Variants in SASS6 observed in about 807,000 individuals in gnomAD.
SASS6 encodes spindle assembly abnormal protein 6 homolog.
In SASS6, 59 loss-of-function variants were observed where a neutral mutation model predicts 94.9. The ratio of observed to expected loss-of-function variants is 0.62; its 90% CI spans 0.50 to 0.77. The LOEUF (loss-of-function observed/expected upper bound fraction) is 0.77, where lower values mean the gene tolerates loss of function less well. Ranked by LOEUF, SASS6 falls within the 30% of genes least tolerant of loss-of-function variation. The pLI, the probability that SASS6 is intolerant of heterozygous loss-of-function variation, is 0.00. For missense variants in SASS6, 698 were observed against 734.1 expected, an observed-to-expected ratio of 0.95 and a Z score of 0.57; for synonymous variants, 264 against 270.0, an observed-to-expected ratio of 0.98 and a Z score of 0.22.
intron 14 of SASS6, among the ~76,000 whole-genome samples, chr1:100,089,945 T>A (rs1172173933): frequency 2.0e-5 from 3 of 151,982 alleles, no homozygotes; most frequent in Non-Finnish European, 4.4e-5. Flanking sequence ...AAGTAAAATT[T>A]TGACAACAGT....
rs777706222 is a variant in SASS6 at position 100,107,601 on chromosome 1, C to T, written c.1146+27G>A. On this transcript the variant is annotated intron_variant, in intron 10 of 16. Coordinates refer to ENST00000287482, the MANE Select transcript of SASS6 (RefSeq NM_194292.3). ...TATTTCTATGTAATTTAATGAAATA[C>T]TAGTCTATAAAATTTTTAAAACAAA... The T allele has an allele frequency of 1.8e-5, 28 of 1,548,566 alleles. No homozygotes were observed. In the Admixed American group the frequency reaches 3.5e-4, roughly 19 times the overall value.
chr1:100,108,019 G>A lies in SASS6; in HGVS notation c.862-15C>T. The A allele has an allele frequency of 6.5e-7, 1 of 1,530,502 alleles. No homozygotes were observed. Among genetic ancestry groups the A allele is most frequent in the Non-Finnish European group, 8.9e-7 (1 of 1,126,550 alleles). 94.8% of individuals were successfully genotyped at this position (1,530,502 alleles called of 1,614,324 possible). On this transcript the variant is annotated splice_polypyrimidine_tract_variant and intron_variant, in intron 8 of 16. Transcript: ENST00000287482. ...CGCTGTAGCTCCTAGAATGGGAAAA[G>A]AAAGAAATTAAGCATTATGAAAAAA... is the stretch of plus-strand genomic sequence containing the variant.
Position 100,087,210 on chromosome 1 carries a change from C to T in SASS6, c.1772+929G>A, listed in dbSNP as rs566404471. On this transcript the variant is annotated intron_variant, in intron 15 of 16. Transcript: ENST00000287482. ...TTGGCCAGGCTGGTCTTGGAACTCC[C>T]GGCCTCAAGTGATCCACCCACCTTG... Among the ~76,000 whole-genome samples, 6 of 152,218 alleles carry T rather than the reference C, an allele frequency of 3.9e-5. No homozygotes were observed. In the South Asian group the frequency reaches 1.0e-3, roughly 26 times the overall value.
chr1:100,132,900 A>T lies in SASS6; in HGVS notation c.-86T>A. 7.6e-7 allele frequency: 1 copy of T among 1,318,478 alleles called. No homozygotes were observed. The highest frequency in any genetic ancestry group is 1.1e-6 in the Non-Finnish European group (1 of 924,658). 81.7% of individuals were successfully genotyped at this position (1,318,478 alleles called of 1,614,324 possible). A position where few individuals can be genotyped will look rare whatever the true frequency, so the allele number is the denominator to read the frequency against. ...GCCTGAGAGGTCCGGGTCCTGATAAAGTTTGAGTTTGGCGCTCGGCTTCTG... is the reference window on the plus strand; with the variant it reads ...GCCTGAGAGGTCCGGGTCCTGATAATGTTTGAGTTTGGCGCTCGGCTTCTG... On this transcript the variant is annotated 5_prime_UTR_variant, in exon 1 of 17. Coordinates refer to ENST00000287482, the MANE Select transcript of SASS6 (RefSeq NM_194292.3).
chr1:100,109,862 ATGC>A (rs1349879969), intron 8 of SASS6, among the ~76,000 whole-genome samples: 1 of 151,994 alleles, frequency 6.6e-6, no homozygotes, highest in African/African-American at 2.4e-5. Context: ...CACATAGAAA[ATGC>A]TCAGTAAGCA....
chr1:100,092,951 A>T (rs1407020589), intron 14 of SASS6, among the ~76,000 whole-genome samples: 1 of 152,134 alleles, frequency 6.6e-6, no homozygotes, highest in East Asian at 1.9e-4. Context: ...CAATGTATGC[A>T]GATACAATAC....
At chr1:100,112,250 G>A (rs1196964031) in intron 7 of SASS6, among the ~76,000 whole-genome samples, 1 of 152,026 alleles carries the variant, frequency 6.6e-6, no homozygotes, top group African/African-American at 2.4e-5. Flanking sequence ...AATATTAGAT[G>A]AGAAAAATGT....
In SASS6 at chr1:100,088,170, T is replaced by C. The variant is rs762862602; in HGVS notation, c.1741A>G (p.Ile581Val). Residue 581 changes from isoleucine to valine, a missense_variant, in exon 15 of 17, where the codon ATT (isoleucine) becomes GTT (valine). By Grantham distance (29) the Ile-to-Val change is conservative. Transcript: ENST00000287482. ...TTATCAGTTGAGCAAGGCATACTAA[T>C]AGTTGCTCCTGACTGAACATCTCCT... ...SLGDVQSGAT[I>V]SMPCSTDKEN... 4.3e-5 allele frequency: 69 copies of C among 1,602,186 alleles called. No individual in the cohort carries two copies. Among genetic ancestry groups the C allele is most frequent in the Non-Finnish European group, 5.8e-5 (68 of 1,169,546 alleles).
rs1416988976 is a variant in SASS6 at position 100,102,973 on chromosome 1, G to A, written c.1656C>T (p.His552=). Residue 552 remains histidine (H), a synonymous_variant, in exon 14 of 17, where the codon CAC becomes CAT. Transcript: ENST00000287482. ...PHSISAKNTS[H]PGSGTKVQFN... is the part of the protein sequence containing the mutation. ...TGGCTACCTTTGTTCCTGAACCAGG[G>A]TGGCTGGTATTTTTGGCAGATATCG... 4 of 1,612,324 alleles carry A rather than the reference G, an allele frequency of 2.5e-6. No homozygotes were observed. Among genetic ancestry groups the A allele is most frequent in the Non-Finnish European group, 3.4e-6 (4 of 1,178,986 alleles).
rs762705905 is a variant in SASS6, at chr1:100,122,395, G to C, written c.296C>G (p.Ala99Gly). The change falls in exon 4 of 17, where the codon GCC (alanine) becomes GGC (glycine). Residue 99 changes from alanine (A) to glycine (G), a missense_variant. Ala to Gly is a moderately conservative substitution (Grantham distance 60, BLOSUM62 0). Coordinates refer to ENST00000287482, the MANE Select transcript of SASS6 (RefSeq NM_194292.3). ...DLLQQCTQEH[A>G]KEIPRFLLQL... Reference sequence around the variant, plus strand: ...TGCAACTTACCTTGGAATTTCTTTGGCATGTTCTTGAGTACATTGCTGAAG... The same window carrying C: ...TGCAACTTACCTTGGAATTTCTTTGCCATGTTCTTGAGTACATTGCTGAAG... 4.0e-6 allele frequency: 6 copies of C among 1,491,934 alleles called. No individual in the cohort carries two copies. Among genetic ancestry groups the C allele is most frequent in the Non-Finnish European group, 4.6e-6 (5 of 1,076,054 alleles). The allele number at this position is 1,491,934 out of a possible 1,614,324, so 92.4% of individuals were successfully genotyped here.
chr1:100,127,831 T>TGGGGGAG (rs1273724726), intron 1 of SASS6, among the ~76,000 whole-genome samples: 1 of 55,336 alleles, frequency 1.8e-5, no homozygotes, highest in Non-Finnish European at 3.5e-5. Context: ...CGTGGTGGGG[T>TGGGGGAG]GGGGGAGGGG....
At chr1:100,127,642 T>C (rs377749908) in intron 1 of SASS6, among the ~76,000 whole-genome samples, 1 of 152,234 alleles carries the variant, frequency 6.6e-6, no homozygotes, top group East Asian at 1.9e-4. Context: ...ATTTTTCTAG[T>C]ATCTAAAGCA....
At chr1:100,094,618 G>A (rs898642257) in intron 14 of SASS6, among the ~76,000 whole-genome samples, 3 of 152,058 alleles carry the variant, frequency 2.0e-5, no homozygotes, top group Non-Finnish European at 2.9e-5. Flanking sequence ...ACTTTGGGAG[G>A]CCGAGGTGGG....
At position 100,085,615 on chromosome 1, in the gene SASS6, C is replaced by G. The variant is rs1477232257; in HGVS notation, c.1788G>C (p.Gly596=). 1 of 1,608,366 alleles carries G rather than the reference C, an allele frequency of 6.2e-7. No homozygotes were observed. The highest frequency in any genetic ancestry group is 2.2e-5 in the East Asian group (1 of 44,846). Residue 596 remains glycine (G), a synonymous_variant, in exon 16 of 17, where the codon GGG becomes GGC. Transcript: ENST00000287482. ...STDKENGENV[G]LESKYLKKRE... ...TTTTCTTCAGGTATTTGGATTCCAA[C>G]CCTACATTTTCACCACTTAAAAAGA... is the stretch of plus-strand genomic sequence containing the variant.
intron 2 of SASS6, among the ~76,000 whole-genome samples, chr1:100,125,604 G>A (rs1445859953): frequency 2.0e-5 from 3 of 149,416 alleles, no homozygotes; most frequent in Non-Finnish European, 4.4e-5. Context: ...GTTTGAACCC[G>A]GGAGGTGAGT....
intron 5 of SASS6, 97 bp from the exon 6 acceptor site, chr1:100,120,556 T>A (rs1043861988): frequency 1.6e-6 from 1 of 615,088 alleles, no homozygotes; most frequent in African/African-American, 1.9e-5. Flanking sequence ...GGAAGCCTGT[T>A]AGAAATGCAG....
intron 13 of SASS6, among the ~76,000 whole-genome samples, chr1:100,104,196 T>A (rs1201566166): frequency 2.0e-5 from 3 of 152,218 alleles, no homozygotes; most frequent in African/African-American, 7.2e-5. Flanking sequence ...AGCCAGGATA[T>A]GAGGATGCTT....
chr1:100,107,997 T>G lies in SASS6; in HGVS notation c.869A>C (p.Gln290Pro). 6.3e-7 allele frequency: 1 copy of G among 1,596,454 alleles called. No individual in the cohort carries two copies. The highest frequency in any genetic ancestry group is 8.5e-7 in the Non-Finnish European group (1 of 1,169,780). The change falls in exon 9 of 17, where the codon CAG becomes CCG. Residue 290 changes from glutamine to proline, a missense_variant. Transcript: ENST00000287482. Reference protein sequence around the residue: ...AKLSGVEEELQRTKQEVLSLR... With the variant: ...AKLSGVEEELPRTKQEVLSLR... ...AGAGAGGACTTCTTGCTTAGTCCGC[T>G]GTAGCTCCTAGAATGGGAAAAGAAA... is the stretch of plus-strand genomic sequence containing the variant.
chr1:100,132,479 T>C (rs1343953344), intron 1 of SASS6, among the ~76,000 whole-genome samples: 1 of 152,132 alleles, frequency 6.6e-6, no homozygotes, highest in Non-Finnish European at 1.5e-5. Flanking sequence ...AGGGCTATAA[T>C]CTTCACGATT....
Sources: gnomAD v4.1 joint callset for allele counts (sites outside exome capture counted in the v4.1 genomes callset) on GRCh38, gnomAD v4.1.1 for gene constraint, MANE v1.5 for transcripts, NCBI Gene and HGNC (gene_info 2026-07-23, HGNC 2026-07-21) for gene names.